The following HPSE2 variants were observed in gnomAD, a reference collection of about 807,000 sequenced individuals.
HPSE2 encodes the protein heparanase 2 (inactive).
HPSE2 carries 38 observed loss-of-function variants against 60.5 expected under a neutral mutation model. The ratio of observed to expected loss-of-function variants is 0.63; its 90% CI spans 0.48 to 0.82. The LOEUF is 0.82. Ranked by LOEUF, HPSE2 falls within the 40% of genes least tolerant of loss-of-function variation. HPSE2 has a pLI of 0.00. For synonymous variants in HPSE2, 295 were observed against 293.2 expected, an observed-to-expected ratio of 1.01 and a Z score of -0.06; for missense variants, 713 against 740.4, an observed-to-expected ratio of 0.96 and a Z score of 0.43.
At chr10:98,665,736 A>G (rs1414095372) in intron 6 of HPSE2, among the ~76,000 whole-genome samples, 2 of 152,180 alleles carry the variant, frequency 1.3e-5, no homozygotes, top group Non-Finnish European at 2.9e-5. Flanking sequence ...ACCAAACAGT[A>G]AGGGAATTGG....
chr10:98,985,647 A>G (rs947787482), intron 3 of HPSE2, among the ~76,000 whole-genome samples: 1 of 152,202 alleles, frequency 6.6e-6, no homozygotes, highest in African/African-American at 2.4e-5. Flanking sequence ...AACAATATTA[A>G]CCTTAAATGT....
chr10:99,260,554 T>C, the HPSE2 span, among the ~76,000 whole-genome samples: 26 of 152,334 alleles, frequency 1.7e-4, no homozygotes, highest in African/African-American at 5.5e-4. Flanking sequence ...CTCCCTGCCC[T>C]TCCAATTCCA....
At chr10:98,632,141 G>A (rs1946381190) in intron 7 of HPSE2, among the ~76,000 whole-genome samples, 1 of 152,142 alleles carries the variant, frequency 6.6e-6, no homozygotes, top group South Asian at 2.1e-4. Flanking sequence ...GCCTCAGTTT[G>A]AACTCCAATT....
chr10:99,261,019 T>A, the HPSE2 span, among the ~76,000 whole-genome samples: 2 of 152,184 alleles, frequency 1.3e-5, no homozygotes, highest in Non-Finnish European at 2.9e-5. Flanking sequence ...TTTTAATTTC[T>A]CCATTTTACA....
intron 3 of HPSE2, among the ~76,000 whole-genome samples, chr10:98,976,307 G>A (rs1483122175): frequency 1.3e-5 from 2 of 152,122 alleles, no homozygotes; most frequent in Admixed American, 6.6e-5. Flanking sequence ...CATATTAAGT[G>A]CTTACTATGT....
intron 10 of HPSE2, 125 bp downstream of exon 10, chr10:98,489,925 TG>T: frequency 1.0e-6 from 1 of 993,574 alleles, no homozygotes; most frequent in Non-Finnish European, 1.6e-6. Context: ...AGAGCAGGTA[TG>T]GTGATTCCAG....
At position 98,845,675 on chromosome 10, in the gene HPSE2, T is replaced by C. The variant is rs115881808; in HGVS notation, c.611-101619A>G. Among the ~76,000 whole-genome samples the C allele has an allele frequency of 1.0e-3, 159 of 152,338 alleles. 1 individual carries two copies. Among genetic ancestry groups the C allele is most frequent in the African/African-American group, 3.7e-3 (154 of 41,578 alleles). On this transcript the variant is annotated intron_variant, in intron 3 of 11. Coordinates refer to ENST00000370552, the MANE Select transcript of HPSE2 (RefSeq NM_021828.5). ...TCTTGTTTTGTTTGTAAGTGAGCCT[T>C]ATTACTTTCCAGTCACACCTGGTGT...
chr10:98,626,243 G>A (rs569385663), intron 7 of HPSE2, among the ~76,000 whole-genome samples: 6 of 152,288 alleles, frequency 3.9e-5, no homozygotes, highest in African/African-American at 1.2e-4. Context: ...TGTTTGCAAA[G>A]CAAAAAGGAG....
intron 3 of HPSE2, among the ~76,000 whole-genome samples, chr10:98,991,926 C>A (rs1225490203): frequency 6.6e-6 from 1 of 152,140 alleles, no homozygotes; most frequent in Non-Finnish European, 1.5e-5. Context: ...TCTCCAAAAC[C>A]CTCCCTGACC....
At chr10:98,632,776 T>G (rs551136595) in intron 7 of HPSE2, among the ~76,000 whole-genome samples, 24 of 152,292 alleles carry the variant, frequency 1.6e-4, no homozygotes, top group African/African-American at 4.8e-4. Context: ...GATTTCCTTG[T>G]TTTATTTTCC....
intron 3 of HPSE2, among the ~76,000 whole-genome samples, chr10:98,805,503 A>G (rs1951021255): frequency 6.6e-6 from 1 of 152,162 alleles, no homozygotes; most frequent in Non-Finnish European, 1.5e-5. Context: ...TACATAGGGC[A>G]TATCTTGTGT....
chr10:98,879,576 C>G (rs1263941555), intron 3 of HPSE2, among the ~76,000 whole-genome samples: 1 of 150,816 alleles, frequency 6.6e-6, no homozygotes, highest in African/African-American at 2.4e-5. Flanking sequence ...ATTTTTTTTT[C>G]CTACCATGAT....
intron 3 of HPSE2, among the ~76,000 whole-genome samples, chr10:98,924,985 C>T (rs533366240): frequency 6.6e-6 from 1 of 152,272 alleles, no homozygotes; most frequent in South Asian, 2.1e-4. Context: ...GCTTTATTCT[C>T]CACTGTAACA....
the HPSE2 span, among the ~76,000 whole-genome samples, chr10:99,251,588 C>A: frequency 6.6e-6 from 1 of 152,226 alleles, no homozygotes; most frequent in Admixed American, 6.5e-5. Context: ...AAATCCTCAA[C>A]AAAATACTAG....
chr10:99,217,636 C>G (rs1023905138), intron 2 of HPSE2, among the ~76,000 whole-genome samples: 7 of 152,000 alleles, frequency 4.6e-5, no homozygotes, highest in African/African-American at 1.7e-4. Context: ...CTCTGTCATC[C>G]AGGCTGGAGT....
At chr10:98,662,625 G>A (rs1237692690) in intron 6 of HPSE2, among the ~76,000 whole-genome samples, 2 of 152,166 alleles carry the variant, frequency 1.3e-5, no homozygotes, top group African/African-American at 4.8e-5. Flanking sequence ...CCTGGGTGAT[G>A]AAATAATCTG....
At chr10:98,874,430 G>A (rs527520156) in intron 3 of HPSE2, among the ~76,000 whole-genome samples, 3 of 151,984 alleles carry the variant, frequency 2.0e-5, no homozygotes, top group South Asian at 4.2e-4. Flanking sequence ...AGGGTGTAAA[G>A]GAATGTTTGT....
chr10:98,490,379 G>A (rs1056772496), intron 9 of HPSE2, among the ~76,000 whole-genome samples, 183 bp from the exon 10 acceptor site: 4 of 152,100 alleles, frequency 2.6e-5, no homozygotes, highest in African/African-American at 4.8e-5. Flanking sequence ...CATGAAACAC[G>A]AACGTGGGTT....
chr10:99,173,629 T>C (rs1282452443), intron 2 of HPSE2, among the ~76,000 whole-genome samples: 1 of 151,958 alleles, frequency 6.6e-6, no homozygotes, highest in Non-Finnish European at 1.5e-5. Flanking sequence ...CTGAAAAAAA[T>C]TATATTATAA....
Sources: gnomAD v4.1 joint callset for allele counts (sites outside exome capture counted in the v4.1 genomes callset) on GRCh38, gnomAD v4.1.1 for gene constraint, MANE v1.5 for transcripts, NCBI Gene and HGNC (gene_info 2026-07-23, HGNC 2026-07-21) for gene names.